CADM2: variants seen among roughly 807,000 people sequenced by gnomAD.
The protein encoded by CADM2 is cell adhesion molecule 2, also known as immunoglobulin superfamily member 4D.
In CADM2, 12 loss-of-function variants were observed where a neutral mutation model predicts 49.8. The ratio of observed to expected loss-of-function variants is 0.24; its 90% CI spans 0.15 to 0.39. The LOEUF (loss-of-function observed/expected upper bound fraction) is 0.39. Ranked by LOEUF, CADM2 falls within the 10% of genes least tolerant of loss-of-function variation. The pLI is 1.00. For missense variants in CADM2, 378 were observed against 492.3 expected (o/e 0.77, Z 2.20); for synonymous variants, 214 against 175.4 (o/e 1.22, Z -1.74).
At chr3:85,504,979 C>G (rs1371141743) in intron 1 of CADM2, among the ~76,000 whole-genome samples, 1 of 152,126 alleles carries the variant, frequency 6.6e-6, no homozygotes, top group African/African-American at 2.4e-5. Flanking sequence ...CGTGCGGGGC[C>G]CGCCAAGCCC....
intron 2 of CADM2, among the ~76,000 whole-genome samples, chr3:85,747,168 C>G (rs1269984578): frequency 6.6e-6 from 1 of 152,174 alleles, no homozygotes; most frequent in East Asian, 1.9e-4. Context: ...TTTACCAATT[C>G]ACCAACACCA....
In CADM2 at chr3:84,969,989, CAA is replaced by C. The variant is rs1447930625; in HGVS notation, c.61+10323_61+10324del. 2.7e-5 allele frequency among the ~76,000 whole-genome samples: 4 copies of C among 146,074 alleles called. No homozygotes were observed. In the East Asian group the frequency reaches 6.1e-4, roughly 22 times the overall value. ...TGGCATTTCCGGATAAATGTATAAA[CAA>C]AGAGGAATTACAAGCTGACCTTGAT... On this transcript the variant is annotated intron_variant, in intron 1 of 9. Transcript: ENST00000383699.
At chr3:86,037,785 A>T (rs1416554050) in intron 8 of CADM2, among the ~76,000 whole-genome samples, 6 of 152,208 alleles carry the variant, frequency 3.9e-5, no homozygotes, top group Admixed American at 3.9e-4. Flanking sequence ...ATTAGAAAAT[A>T]TTAACTTAGG....
At chr3:85,217,872 A>G (rs944555282) in intron 1 of CADM2, among the ~76,000 whole-genome samples, 2 of 152,090 alleles carry the variant, frequency 1.3e-5, no homozygotes, top group African/African-American at 2.4e-5. Context: ...TTTTAAATCA[A>G]TGATAAGAAA....
At chr3:85,208,714 T>C (rs572230072) in intron 1 of CADM2, among the ~76,000 whole-genome samples, 3 of 152,230 alleles carry the variant, frequency 2.0e-5, no homozygotes, top group South Asian at 2.1e-4. Context: ...TACAGGTGAT[T>C]ATAGCATTTG....
intron 1 of CADM2, among the ~76,000 whole-genome samples, chr3:85,159,022 T>G (rs2040232015): frequency 6.6e-6 from 1 of 152,116 alleles, no homozygotes; most frequent in Non-Finnish European, 1.5e-5. Flanking sequence ...AGTTATAAGT[T>G]TTAAAACAGT....
At chr3:85,263,052 G>T (rs2043046556) in intron 1 of CADM2, among the ~76,000 whole-genome samples, 1 of 151,958 alleles carries the variant, frequency 6.6e-6, no homozygotes, top group Non-Finnish European at 1.5e-5. Flanking sequence ...TAGTGCAGTG[G>T]CGCGATCTCA....
intron 1 of CADM2, among the ~76,000 whole-genome samples, chr3:85,343,918 T>C (rs1233027987): frequency 2.6e-5 from 4 of 152,250 alleles, no homozygotes; most frequent in African/African-American, 9.6e-5. Flanking sequence ...GAGAAGGCAC[T>C]GTGTGTTCAT....
intron 1 of CADM2, among the ~76,000 whole-genome samples, chr3:85,353,856 A>G (rs2031591894): frequency 6.6e-6 from 1 of 152,056 alleles, no homozygotes; most frequent in African/African-American, 2.4e-5. Context: ...ATGATACAAC[A>G]AAAATATCAA....
chr3:85,597,341 AGATAACT>A (rs530107205), intron 1 of CADM2, among the ~76,000 whole-genome samples: 7 of 152,094 alleles, frequency 4.6e-5, no homozygotes, highest in Non-Finnish European at 8.8e-5. Context: ...CAATAATGCA[AGATAACT>A]GCCTTTATGT....
At chr3:85,690,690 C>A (rs1252378890) in intron 1 of CADM2, among the ~76,000 whole-genome samples, 2 of 152,066 alleles carry the variant, frequency 1.3e-5, no homozygotes, top group African/African-American at 4.8e-5. Context: ...AGATAGTACA[C>A]CAGATTGTAG....
At chr3:85,188,084 A>G (rs1003815244) in intron 1 of CADM2, among the ~76,000 whole-genome samples, 12 of 152,098 alleles carry the variant, frequency 7.9e-5, no homozygotes, top group African/African-American at 2.9e-4. Flanking sequence ...AGAAATATTA[A>G]CTTATATGTT....
intron 8 of CADM2, among the ~76,000 whole-genome samples, chr3:85,992,023 C>A (rs1397702332): frequency 6.6e-6 from 1 of 151,778 alleles, no homozygotes; most frequent in Non-Finnish European, 1.5e-5. Context: ...GGCAGAAAAA[C>A]CACATTAGTT....
intron 8 of CADM2, among the ~76,000 whole-genome samples, chr3:85,998,938 A>T (rs1167646882): frequency 6.6e-6 from 1 of 152,192 alleles, no homozygotes; most frequent in Non-Finnish European, 1.5e-5. Context: ...AGAGATACCA[A>T]AGAACTGATG....
chr3:85,786,180 TTTTTA>T (rs1374455290), intron 2 of CADM2, among the ~76,000 whole-genome samples: 2 of 152,066 alleles, frequency 1.3e-5, no homozygotes, highest in Non-Finnish European at 2.9e-5. Flanking sequence ...TTCACCTTAA[TTTTTA>T]TTGAAGTTTA....
intron 1 of CADM2, among the ~76,000 whole-genome samples, chr3:85,371,659 A>ATGTGTG (rs1230796475): frequency 2.7e-5 from 1 of 37,610 alleles, no homozygotes; most frequent in African/African-American, 7.7e-5. Context: ...GGATATATAT[A>ATGTGTG]TATGTGTGTG....
At chr3:85,365,141 T>G (rs7627971) in intron 1 of CADM2, among the ~76,000 whole-genome samples, 1 of 147,706 alleles carries the variant, frequency 6.8e-6, no homozygotes, top group Non-Finnish European at 1.5e-5. Context: ...TTAAAAAAAT[T>G]ATACTACCTA....
intron 1 of CADM2, among the ~76,000 whole-genome samples, chr3:85,162,799 T>G (rs2040366049): frequency 6.6e-6 from 1 of 152,068 alleles, no homozygotes; most frequent in African/African-American, 2.4e-5. Flanking sequence ...TACAACATTA[T>G]CAAGAATTTA....
intron 1 of CADM2, among the ~76,000 whole-genome samples, chr3:85,363,561 C>A (rs1559801126): frequency 1.3e-5 from 2 of 152,246 alleles, no homozygotes; most frequent in East Asian, 1.9e-4. Flanking sequence ...AAACTTTCCA[C>A]TATTTATTAT....
Sources: allele counts gnomAD v4.1 joint callset (sites outside exome capture counted in the v4.1 genomes callset), GRCh38; gene constraint gnomAD v4.1.1; transcripts MANE v1.5; gene names NCBI Gene and HGNC (gene_info 2026-07-23, HGNC 2026-07-21).